SELENOK: variants seen among roughly 807,000 people sequenced by gnomAD.
SELENOK encodes the protein selenoprotein K.
In SELENOK, 11 loss-of-function variants were observed where a neutral mutation model predicts 17.3. The ratio of observed to expected loss-of-function variants is 0.63; its 90% CI spans 0.40 to 1.05. The LOEUF is 1.05. Among genes scored for constraint, SELENOK ranks in the 50% least tolerant of loss-of-function variants. SELENOK has a pLI of 0.00. For missense variants in SELENOK, 125 were observed against 113.9 expected, an observed-to-expected ratio of 1.10 and a Z score of -0.44; for synonymous variants, 45 against 35.4, an observed-to-expected ratio of 1.27 and a Z score of -0.97.
chr3:53,886,488 C>G, intron 3 of SELENOK, among the ~76,000 whole-genome samples: 1 of 152,206 alleles, frequency 6.6e-6, no homozygotes, highest in East Asian at 1.9e-4. Flanking sequence ...CCCGCCTCAG[C>G]CTCCCAAAGT....
chr3:53,885,850 G>A lies in SELENOK; in HGVS notation c.257C>T (p.Pro86Leu), dbSNP rs973322115. 6.3e-7 allele frequency: 1 copy of A among 1,591,334 alleles called. No individual in the cohort carries two copies. The highest frequency in any genetic ancestry group is 8.6e-7 in the Non-Finnish European group (1 of 1,168,342). The change falls in exon 4 of 5, where the codon CCT becomes CTT. Residue 86 changes from proline to leucine, a missense_variant. Transcript: ENST00000495461. The stretch of plus-strand genomic sequence containing the variant: ...CCTTCCTCATCCACCAGCCATTGGA[G>A]GGGGACTAGGGCCACGCAGATGATT... The part of the protein sequence containing the change: ...RINHLRGPSP[P>L]PMAGGUGR
rs1700122541 is a variant in SELENOK, at chr3:53,885,917, T to G, written c.195-5A>C. 1 of 1,503,702 alleles carries G rather than the reference T, an allele frequency of 6.7e-7. No individual in the cohort carries two copies. Among genetic ancestry groups the G allele is most frequent in the Non-Finnish European group, 8.8e-7 (1 of 1,130,720 alleles). 93.1% of individuals were successfully genotyped at this position (1,503,702 alleles called of 1,614,324 possible). A position where few individuals can be genotyped will look rare whatever the true frequency, so the allele number is the denominator to read the frequency against. ...CGGGGAGGGTTTCCTGGTGGCCTAA[T>G]AAAATAAAAAGTTAGTATCTACTGT... On this transcript the variant is annotated splice_polypyrimidine_tract_variant and splice_region_variant and intron_variant, in intron 3 of 4. Coordinates refer to ENST00000495461, the MANE Select transcript of SELENOK (RefSeq NM_021237.5).
chr3:53,891,836 C>A lies in SELENOK; in HGVS notation c.-48G>T. 2 of 1,609,942 alleles carry A rather than the reference C, an allele frequency of 1.2e-6. No individual in the cohort carries two copies. Among genetic ancestry groups the A allele is most frequent in the African/African-American group, 2.7e-5 (2 of 74,996 alleles). ...GAGCCACCGGGCGCCTGGCCCCTGT[C>A]GGTTTCTGTATCTCCCTCTGCTCCC... is the stretch of plus-strand genomic sequence containing the variant. On this transcript the variant is annotated 5_prime_UTR_variant, in exon 1 of 5. Coordinates refer to ENST00000495461, the MANE Select transcript of SELENOK (RefSeq NM_021237.5).
At position 53,886,841 on chromosome 3, in the gene SELENOK, A is replaced by T; in HGVS notation, c.194+10T>A. 1 of 1,504,018 alleles carries T rather than the reference A, an allele frequency of 6.6e-7. No homozygotes were observed. Among genetic ancestry groups the T allele is most frequent in the Non-Finnish European group, 8.9e-7 (1 of 1,117,486 alleles). The allele number at this position is 1,504,018 out of a possible 1,614,324, so 93.2% of individuals were successfully genotyped here. A position where few individuals can be genotyped will look rare whatever the true frequency, so the allele number is the denominator to read the frequency against. ...ATAAAAACAACTATTATCAATTTAA[A>T]AAGCTGTACCCTCTTCCATCATCAT... On this transcript the variant is annotated intron_variant, in intron 3 of 4. Transcript: ENST00000495461.
At chr3:53,886,149 ACCTC>A (rs1700124235) in intron 3 of SELENOK, among the ~76,000 whole-genome samples, 1 of 152,138 alleles carries the variant, frequency 6.6e-6, no homozygotes, top group African/African-American at 2.4e-5. Context: ...ACTGAATAGC[ACCTC>A]CAGTAATGCC....
At position 53,886,867 on chromosome 3, in the gene SELENOK, A is replaced by T; in HGVS notation, c.178T>A (p.Tyr60Asn). The change falls in exon 3 of 5, where the codon TAT becomes AAT. Residue 60 changes from tyrosine to asparagine, a missense_variant. By Grantham distance (143) the Tyr-to-Asn change is moderately radical. Coordinates refer to ENST00000495461, the MANE Select transcript of SELENOK (RefSeq NM_021237.5). ...RSYGNSSDSR[Y>N]DDGRGPPGNP... is the part of the protein sequence containing the mutation. ...AAGCTGTACCCTCTTCCATCATCAT[A>T]TCTGGAATCAGATGAGTTTCCATAG... 1.9e-6 allele frequency: 3 copies of T among 1,565,540 alleles called. No individual in the cohort carries two copies. The highest frequency in any genetic ancestry group is 2.6e-6 in the Non-Finnish European group (3 of 1,153,076).
chr3:53,891,527 G>A (rs1700168912), intron 1 of SELENOK, among the ~76,000 whole-genome samples: 1 of 152,156 alleles, frequency 6.6e-6, no homozygotes, highest in Non-Finnish European at 1.5e-5. Context: ...CACGAAGGCG[G>A]GGTTGCAGGG....
At chr3:53,890,809 A>G (rs1031146423) in intron 1 of SELENOK, 1 of 152,248 alleles carries the variant, frequency 6.6e-6, no homozygotes, top group African/African-American at 2.4e-5. Context: ...GTCAGCCAGA[A>G]GGCTCCTCAC....
chr3:53,891,802 C>G lies in SELENOK; in HGVS notation c.-14G>C. ...GATGTAAACCATCTTGTCCCACTTC[C>G]CCGCTTCGGAGCCACCGGGCGCCTG... is the stretch of plus-strand genomic sequence containing the variant. On this transcript the variant is annotated 5_prime_UTR_variant, in exon 1 of 5. Coordinates refer to ENST00000495461, the MANE Select transcript of SELENOK (RefSeq NM_021237.5). The G allele has an allele frequency of 6.2e-7, 1 of 1,613,954 alleles. No homozygotes were observed. Among genetic ancestry groups the G allele is most frequent in the Non-Finnish European group, 8.5e-7 (1 of 1,179,806 alleles).
rs986001406 is a variant in SELENOK, at chr3:53,888,388, C to T, written c.110+5G>A. 1.3e-6 allele frequency: 2 copies of T among 1,597,934 alleles called. No homozygotes were observed. Among genetic ancestry groups the T allele is most frequent in the Non-Finnish European group, 1.7e-6 (2 of 1,165,904 alleles). ...CAGGGCAATTAAGAGCTCTTCTATA[C>T]TTACAACAAAACCACAAACTCAGCT... On this transcript the variant is annotated splice_donor_5th_base_variant and intron_variant, in intron 2 of 4. Transcript: ENST00000495461.
Position 53,884,720 on chromosome 3 carries a change from AACCTC to A in SELENOK, c.*833_*837del, listed in dbSNP as rs2107086594. The A allele has an allele frequency of 6.6e-6, 1 of 152,272 alleles. No individual in the cohort carries two copies. The highest frequency in any genetic ancestry group is 1.9e-4 in the East Asian group (1 of 5,204). 9.4% of individuals were successfully genotyped at this position (152,272 alleles called of 1,614,324 possible). On this transcript the variant is annotated 3_prime_UTR_variant, in exon 5 of 5. Transcript: ENST00000495461. ...AGGAGTGCAGTGGCATGCTCACAGCAACCTCCGCCTCCCGGGTTGAAGCGATTCTC... is the reference window on the plus strand; with the variant it reads ...AGGAGTGCAGTGGCATGCTCACAGCACGCCTCCCGGGTTGAAGCGATTCTC...
At chr3:53,889,778 G>A (rs575779466) in intron 1 of SELENOK, among the ~76,000 whole-genome samples, 1 of 152,294 alleles carries the variant, frequency 6.6e-6, no homozygotes, top group Admixed American at 6.5e-5. Flanking sequence ...TTCTTATAAA[G>A]AGTGTGTATG....
chr3:53,884,743 C>T lies in SELENOK; in HGVS notation c.*815G>A, dbSNP rs11720079. The T allele has an allele frequency of 0.084, 12,792 of 152,300 alleles. 691 individuals carry two copies. The highest frequency in any genetic ancestry group is 0.23 in the East Asian group (1,189 of 5,182). 9.4% of individuals were successfully genotyped at this position (152,300 alleles called of 1,614,324 possible). On this transcript the variant is annotated 3_prime_UTR_variant, in exon 5 of 5. Coordinates refer to ENST00000495461, the MANE Select transcript of SELENOK (RefSeq NM_021237.5). Reference sequence around the variant, plus strand: ...GCAACCTCCGCCTCCCGGGTTGAAGCGATTCTCCTGCCTCCGCCTCCTGAG... The same window carrying T: ...GCAACCTCCGCCTCCCGGGTTGAAGTGATTCTCCTGCCTCCGCCTCCTGAG...
intron 2 of SELENOK, 191 bp downstream of exon 2, chr3:53,888,196 TATACTC>T (rs1193532114): frequency 5.9e-6 from 3 of 510,398 alleles, no homozygotes; most frequent in East Asian, 3.5e-5. Context: ...CCAACTAACA[TATACTC>T]ATAATCATAA....
intron 3 of SELENOK, among the ~76,000 whole-genome samples, chr3:53,886,442 G>A (rs1200767473): frequency 2.0e-5 from 3 of 152,108 alleles, no homozygotes; most frequent in Non-Finnish European, 4.4e-5. Flanking sequence ...CATCATGTTG[G>A]TCAGGATGGT....
In SELENOK at chr3:53,885,472, C is replaced by A; in HGVS notation, c.*86G>T. 1 of 1,297,094 alleles carries A rather than the reference C, an allele frequency of 7.7e-7. No individual in the cohort carries two copies. Among genetic ancestry groups the A allele is most frequent in the Non-Finnish European group, 1.1e-6 (1 of 907,870 alleles). The allele number at this position is 1,297,094 out of a possible 1,614,324, so 80.3% of individuals were successfully genotyped here. On this transcript the variant is annotated 3_prime_UTR_variant, in exon 5 of 5. Coordinates refer to ENST00000495461, the MANE Select transcript of SELENOK (RefSeq NM_021237.5). ...TTTAGACATACACATTCATCTACTG[C>A]TCATCATGGTCAGCCTTCCACTTCT...
intron 2 of SELENOK, among the ~76,000 whole-genome samples, chr3:53,887,292 A>C (rs1700134593): frequency 6.6e-6 from 1 of 152,222 alleles, no homozygotes; most frequent in Non-Finnish European, 1.5e-5. Flanking sequence ...TTAGGGAAGG[A>C]GGGGCCAAGG....
intron 1 of SELENOK, 74 bp from the exon 2 acceptor site, chr3:53,888,557 T>C (rs1700143332): frequency 5.0e-6 from 5 of 1,007,374 alleles, no homozygotes. Flanking sequence ...ATTTAATTAT[T>C]GAGGTAACAA....
intron 1 of SELENOK, among the ~76,000 whole-genome samples, chr3:53,888,890 A>T (rs1337715873): frequency 1.3e-5 from 2 of 152,124 alleles, no homozygotes; most frequent in Admixed American, 6.6e-5. Flanking sequence ...CCCCGTCTCT[A>T]CTAAAAACTA....
Sources: allele counts gnomAD v4.1 joint callset (sites outside exome capture counted in the v4.1 genomes callset), GRCh38; gene constraint gnomAD v4.1.1; transcripts MANE v1.5; gene names NCBI Gene and HGNC (gene_info 2026-07-23, HGNC 2026-07-21).